Variants in DPP9 observed in about 807,000 individuals in gnomAD.
The protein encoded by DPP9 is dipeptidyl peptidase IV-related protein-2.
Under a neutral mutation model 110.7 loss-of-function variants are expected in DPP9, and 50 were observed. That is an observed-to-expected ratio of 0.45 (90% confidence interval 0.36 to 0.57). The LOEUF is 0.57. Among genes scored for constraint, DPP9 ranks in the 20% least tolerant of loss-of-function variants. The probability of loss-of-function intolerance (pLI) is 0.00; values close to 1 mark genes in which losing one functional copy is unlikely to be tolerated. For missense variants in DPP9, 1,022 were observed against 1,217.9 expected (o/e 0.84, Z 2.39); for synonymous variants, 561 against 514.4 (o/e 1.09, Z -1.23).
At position 4,710,484 on chromosome 19, in the gene DPP9, C is replaced by T. The variant is rs1338212214; in HGVS notation, c.313+3597G>A. On this transcript the variant is annotated intron_variant, in intron 4 of 21. Coordinates refer to ENST00000262960, the MANE Select transcript of DPP9 (RefSeq NM_139159.5). This position sits in a 1 kb window ranked among gnomAD's most constrained non-coding sequence, Gnocchi z 5.6. ...ACCTGAGCCGGCCCCAGCCCATCTT[C>T]CCAGCAGCAGGAACCGCACGTTCCC... Among the ~76,000 whole-genome samples the T allele has an allele frequency of 6.6e-6, 1 of 152,218 alleles. No individual in the cohort carries two copies. Among genetic ancestry groups the T allele is most frequent in the Non-Finnish European group, 1.5e-5 (1 of 68,036 alleles).
At chr19:4,707,295 G>T (rs1028915591) in intron 4 of DPP9, among the ~76,000 whole-genome samples, 19 of 152,104 alleles carry the variant, frequency 1.2e-4, no homozygotes, top group Non-Finnish European at 2.4e-4. Context: ...AAATAACTGT[G>T]TATTTTCCAA....
At position 4,682,643 on chromosome 19, in the gene DPP9, C is replaced by T. The variant is rs989985569; in HGVS notation, c.2474+53G>A. On this transcript the variant is annotated intron_variant, in intron 20 of 21. Transcript: ENST00000262960. The surrounding 1 kb of genome is among the most constrained non-coding windows in gnomAD (Gnocchi z 7.1). Reference sequence around the variant, plus strand: ...GCACCCTCATAGAGACAGCTGGTGCCGGGGTGCAGGAGAAGCCCCGGGGAG... The same window carrying T: ...GCACCCTCATAGAGACAGCTGGTGCTGGGGTGCAGGAGAAGCCCCGGGGAG... 27 of 1,588,126 alleles carry T rather than the reference C, an allele frequency of 1.7e-5. No individual in the cohort carries two copies. The highest frequency in any genetic ancestry group is 1.7e-4 in the Middle Eastern group (1 of 5,900).
In DPP9 at chr19:4,694,786, C is replaced by A; in HGVS notation, c.1391G>T (p.Gly464Val). ...DIFYPFPQSE[G>V]EDELCFLRAN... Reference sequence around the variant, plus strand: ...GCGGAGAAAGCAGAGCTCGTCCTCTCCCTCTGATTGGGGGAAGGGATAGAA... The same window carrying A: ...GCGGAGAAAGCAGAGCTCGTCCTCTACCTCTGATTGGGGGAAGGGATAGAA... The change falls in exon 13 of 22, where the codon GGA (glycine) becomes GTA (valine). Residue 464 changes from glycine (G) to valine (V), a missense_variant. By Grantham distance (109) the Gly-to-Val change is moderately radical (BLOSUM62 -3). This residue lies in a region of DPP9 where 810 missense variants were observed against 920.6 expected (regional missense o/e 0.88). Transcript: ENST00000262960. This position sits in a 1 kb window ranked among gnomAD's most constrained non-coding sequence, Gnocchi z 4.0. The A allele has an allele frequency of 6.2e-7, 1 of 1,613,930 alleles. No individual in the cohort carries two copies. Among genetic ancestry groups the A allele is most frequent in the Non-Finnish European group, 8.5e-7 (1 of 1,179,866 alleles).
At chr19:4,722,964 G>A (rs950393612) in intron 1 of DPP9, among the ~76,000 whole-genome samples, 1 of 152,202 alleles carries the variant, frequency 6.6e-6, no homozygotes, top group African/African-American at 2.4e-5. Flanking sequence ...GTCAGGGCTG[G>A]CCTAAGGCTG....
intron 7 of DPP9, 51 bp from the exon 8 acceptor site, chr19:4,702,767 C>T (rs1599919726): frequency 2.5e-6 from 3 of 1,209,142 alleles, no homozygotes; most frequent in Middle Eastern, 2.0e-4. Flanking sequence ...CCTGCTAACA[C>T]TGGGGACAGC....
rs1406093293 is a variant in DPP9, at chr19:4,682,514, G to A, written c.2474+182C>T. Among the ~76,000 whole-genome samples the A allele has an allele frequency of 6.6e-6, 1 of 152,156 alleles. No individual in the cohort carries two copies. Among genetic ancestry groups the A allele is most frequent in the Non-Finnish European group, 1.5e-5 (1 of 68,014 alleles). On this transcript the variant is annotated intron_variant, in intron 20 of 21. Transcript: ENST00000262960. This position sits in a 1 kb window ranked among gnomAD's most constrained non-coding sequence, Gnocchi z 7.1. Reference sequence around the variant, plus strand: ...TGCAGTGAGGAGGGAGGGTGGGCTGGAGGGGACTGTGAGGCACATGCAGGC... The same window carrying A: ...TGCAGTGAGGAGGGAGGGTGGGCTGAAGGGGACTGTGAGGCACATGCAGGC...
In DPP9 at chr19:4,710,117, G is replaced by T. The variant is rs967722302; in HGVS notation, c.313+3964C>A. 1.3e-5 allele frequency among the ~76,000 whole-genome samples: 2 copies of T among 152,196 alleles called. No homozygotes were observed. The highest frequency in any genetic ancestry group is 2.9e-5 in the Non-Finnish European group (2 of 68,024). On this transcript the variant is annotated intron_variant, in intron 4 of 21. Transcript: ENST00000262960. This position sits in a 1 kb window ranked among gnomAD's most constrained non-coding sequence, Gnocchi z 5.6. ...TCCTCGGACCTCCCTCACCAGCTCT[G>T]CCCCTGCAAACACACCTGATGCCAA... is the stretch of plus-strand genomic sequence containing the variant.
chr19:4,694,906 G>A lies in DPP9; in HGVS notation c.1354-83C>T. On this transcript the variant is annotated intron_variant, in intron 12 of 21. Coordinates refer to ENST00000262960, the MANE Select transcript of DPP9 (RefSeq NM_139159.5). This position sits in a 1 kb window ranked among gnomAD's most constrained non-coding sequence, Gnocchi z 4.0. ...CTCACACCAGTAATCCCAGTAGTTTGGGAGGCTGGGGCAGGAGACTTGCTT... is the reference window on the plus strand; with the variant it reads ...CTCACACCAGTAATCCCAGTAGTTTAGGAGGCTGGGGCAGGAGACTTGCTT... 2 of 1,427,914 alleles carry A rather than the reference G, an allele frequency of 1.4e-6. No individual in the cohort carries two copies. The highest frequency in any genetic ancestry group is 1.9e-6 in the Non-Finnish European group (2 of 1,037,284). 88.5% of individuals were successfully genotyped at this position (1,427,914 alleles called of 1,614,324 possible). A position where few individuals can be genotyped will look rare whatever the true frequency, so the allele number is the denominator to read the frequency against.
chr19:4,677,978 C>T (rs1329455138), intron 21 of DPP9, among the ~76,000 whole-genome samples: 1 of 152,216 alleles, frequency 6.6e-6, no homozygotes, highest in Non-Finnish European at 1.5e-5. Flanking sequence ...GAGGTGCACT[C>T]TATCTGTCCC....
At chr19:4,680,079 T>C in intron 20 of DPP9, 133 bp from the exon 21 acceptor site, 1 of 609,912 alleles carries the variant, frequency 1.6e-6, no homozygotes, top group Non-Finnish European at 2.9e-6. Context: ...AAAATATATT[T>C]AAAAAAAATT....
chr19:4,707,025 G>A (rs1276625443), intron 4 of DPP9, among the ~76,000 whole-genome samples: 1 of 152,178 alleles, frequency 6.6e-6, no homozygotes, highest in East Asian at 1.9e-4. Flanking sequence ...AGTGTCCCCT[G>A]CAGGGGCAGA....
intron 3 of DPP9, among the ~76,000 whole-genome samples, chr19:4,715,019 C>CTT (rs59314200): frequency 0.16 from 10,797 of 68,568 alleles, 3,541 homozygotes; most frequent in East Asian, 0.25. Flanking sequence ...TATATATATA[C>CTT]TTTTTTTTTT....
intron 2 of DPP9, chr19:4,722,208 G>A (rs1429674967): frequency 2.3e-6 from 1 of 434,498 alleles, no homozygotes; most frequent in Non-Finnish European, 4.1e-6. Flanking sequence ...GTCAGGCAGT[G>A]TAGGTGGATC....
At chr19:4,703,559 C>A (rs1352843849) in intron 7 of DPP9, among the ~76,000 whole-genome samples, 47 of 151,834 alleles carry the variant, frequency 3.1e-4, no homozygotes, top group Admixed American at 3.1e-3. Flanking sequence ...TCACTTGAAC[C>A]CAAGAGGCGG....
Position 4,710,670 on chromosome 19 carries a change from G to C in DPP9, c.313+3411C>G, listed in dbSNP as rs2092789660. On this transcript the variant is annotated intron_variant, in intron 4 of 21. Transcript: ENST00000262960. This position sits in a 1 kb window ranked among gnomAD's most constrained non-coding sequence, Gnocchi z 5.6. Reference sequence around the variant, plus strand: ...TGAGCAGCAGGCCAGGCCTGGCCTTGAAGTCTGGACACTGGGCTAGTGCTA... The same window carrying C: ...TGAGCAGCAGGCCAGGCCTGGCCTTCAAGTCTGGACACTGGGCTAGTGCTA... Among the ~76,000 whole-genome samples the C allele has an allele frequency of 6.6e-6, 1 of 152,170 alleles. No individual in the cohort carries two copies. Among genetic ancestry groups the C allele is most frequent in the African/African-American group, 2.4e-5 (1 of 41,456 alleles).
At position 4,700,497 on chromosome 19, in the gene DPP9, T is replaced by C. The variant is rs2092172659; in HGVS notation, c.1013-220A>G. Among the ~76,000 whole-genome samples, 1 of 152,188 alleles carries C rather than the reference T, an allele frequency of 6.6e-6. No homozygotes were observed. The highest frequency in any genetic ancestry group is 2.4e-5 in the African/African-American group (1 of 41,446). Reference sequence around the variant, plus strand: ...GGTGGGGACCTTCTGACTTTGGGCCTGGATCGCATTCCCAACAGTGATGTG... The same window carrying C: ...GGTGGGGACCTTCTGACTTTGGGCCCGGATCGCATTCCCAACAGTGATGTG... On this transcript the variant is annotated intron_variant, in intron 9 of 21. Transcript: ENST00000262960. This position sits in a 1 kb window ranked among gnomAD's most constrained non-coding sequence, Gnocchi z 4.3.
chr19:4,683,942 AG>A (rs2090300667), intron 18 of DPP9: 1 of 834,406 alleles, frequency 1.2e-6, no homozygotes, highest in Admixed American at 2.9e-5. Flanking sequence ...AGAGGGCACA[AG>A]GAAGAAAAAG....
intron 11 of DPP9, among the ~76,000 whole-genome samples, chr19:4,696,529 G>T (rs1369944476): frequency 6.6e-6 from 1 of 151,928 alleles, no homozygotes; most frequent in Non-Finnish European, 1.5e-5. Flanking sequence ...GGGAAGCCGA[G>T]GGGGGCGGAT....
rs748323496 is a variant in DPP9, at chr19:4,682,375, G to C, written c.2474+321C>G. On this transcript the variant is annotated intron_variant, in intron 20 of 21. Coordinates refer to ENST00000262960, the MANE Select transcript of DPP9 (RefSeq NM_139159.5). This position sits in a 1 kb window ranked among gnomAD's most constrained non-coding sequence, Gnocchi z 7.1. Reference sequence around the variant, plus strand: ...GGGGCCTCCAGCAGGATGCAGGGGAGTGGGGGAGGCTTGCCTGTGAAAAGC... The same window carrying C: ...GGGGCCTCCAGCAGGATGCAGGGGACTGGGGGAGGCTTGCCTGTGAAAAGC... Among the ~76,000 whole-genome samples, 5 of 152,228 alleles carry C rather than the reference G, an allele frequency of 3.3e-5. No homozygotes were observed. The highest frequency in any genetic ancestry group is 5.9e-5 in the Non-Finnish European group (4 of 68,038).
Sources: gnomAD v4.1 joint callset for allele counts (sites outside exome capture counted in the v4.1 genomes callset) on GRCh38, gnomAD v4.1.1 for gene constraint, gnomAD v4.1.1 regional missense constraint, Gnocchi (gnomAD v3.1) non-coding constraint, MANE v1.5 for transcripts, NCBI Gene and HGNC (gene_info 2026-07-23, HGNC 2026-07-21) for gene names.